KAZN: variants seen among roughly 807,000 people sequenced by gnomAD.
The protein encoded by KAZN is kazrin, periplakin interacting protein.
A neutral mutation model predicts 87.4 loss-of-function variants in KAZN; 40 were observed. That is an observed-to-expected ratio of 0.46 (90% CI 0.36 to 0.60). KAZN has a LOEUF of 0.60. Ranked by LOEUF, KAZN falls within the 20% of genes least tolerant of loss-of-function variation. KAZN has a pLI of 0.00. For missense variants in KAZN, 898 were observed against 1,073.9 expected, an observed-to-expected ratio of 0.84 and a Z score of 2.29; for synonymous variants, 466 against 458.3, an observed-to-expected ratio of 1.02 and a Z score of -0.22.
intron 1 of KAZN, among the ~76,000 whole-genome samples, chr1:14,137,211 T>C (rs1645126505): frequency 6.6e-6 from 1 of 152,156 alleles, no homozygotes; most frequent in Non-Finnish European, 1.5e-5. Context: ...GTGGGATCAT[T>C]CACACCAGAG....
At chr1:14,890,333 A>G (rs1654560178) in intron 1 of KAZN, among the ~76,000 whole-genome samples, 1 of 152,166 alleles carries the variant, frequency 6.6e-6, no homozygotes, top group Admixed American at 6.5e-5. Flanking sequence ...TCCTGATGGG[A>G]AATCTCTCCA....
chr1:14,447,179 T>G (rs901044260), intron 2 of KAZN, among the ~76,000 whole-genome samples: 11 of 150,742 alleles, frequency 7.3e-5, no homozygotes, highest in African/African-American at 2.7e-4. Flanking sequence ...ATTCTTCTAG[T>G]TCTCCCTTGG....
At chr1:14,013,240 C>A (rs1286350185) in intron 1 of KAZN, among the ~76,000 whole-genome samples, 1 of 152,164 alleles carries the variant, frequency 6.6e-6, no homozygotes, top group South Asian at 2.1e-4. Flanking sequence ...TCCAAAGAAA[C>A]CAACTAAAGA....
rs200681100 is a variant in KAZN, at chr1:14,546,453, A to AT, written c.250-52529dup. 6.0e-4 allele frequency among the ~76,000 whole-genome samples: 91 copies of AT among 151,622 alleles called. 1 individual carries two copies. The East Asian group carries it at 0.017, about 28-fold the overall frequency. On this transcript the variant is annotated intron_variant, in intron 2 of 16. Transcript: ENST00000636203. ...GAGGGCCTTTTTTTTTCCATCCTTT[A>AT]TGGGGGTGAGAGGTGCCAGAAGAAG...
chr1:14,440,636 A>C (rs1281446143), intron 2 of KAZN, among the ~76,000 whole-genome samples: 1 of 152,222 alleles, frequency 6.6e-6, no homozygotes, highest in East Asian at 1.9e-4. Context: ...CAGGGGTCCC[A>C]GTGCAAAATC....
chr1:14,413,514 C>T (rs544350739), intron 2 of KAZN, among the ~76,000 whole-genome samples: 8 of 141,972 alleles, frequency 5.6e-5, no homozygotes, highest in Admixed American at 1.5e-4. Context: ...GGCGTGAAAC[C>T]GGAGGCGGAG....
intron 2 of KAZN, among the ~76,000 whole-genome samples, chr1:14,467,031 T>C (rs990485227): frequency 1.1e-4 from 16 of 152,172 alleles, no homozygotes; most frequent in Non-Finnish European, 1.0e-4. Context: ...CAAAGGTAAC[T>C]ACATTAGTAA....
chr1:14,968,707 G>T (rs1664718789), intron 2 of KAZN, among the ~76,000 whole-genome samples: 1 of 152,228 alleles, frequency 6.6e-6, no homozygotes, highest in Admixed American at 6.5e-5. Context: ...CTCCTTACTG[G>T]AAGGACTAAG....
intron 1 of KAZN, among the ~76,000 whole-genome samples, chr1:14,111,771 G>A (rs369353436): frequency 5.8e-5 from 8 of 137,100 alleles, no homozygotes; most frequent in Non-Finnish European, 1.1e-4. Context: ...GTGGAGTCTC[G>A]CTCTGTCGCC....
chr1:14,230,970 T>C (rs1647770163), intron 2 of KAZN, among the ~76,000 whole-genome samples: 1 of 152,156 alleles, frequency 6.6e-6, no homozygotes, highest in Non-Finnish European at 1.5e-5. Flanking sequence ...TTGTCATCCT[T>C]AAAATGGGGT....
intron 1 of KAZN, among the ~76,000 whole-genome samples, chr1:14,102,690 C>G (rs61670736): frequency 6.6e-6 from 1 of 151,956 alleles, no homozygotes; most frequent in Non-Finnish European, 1.5e-5. Context: ...CGTGCATCCC[C>G]GTGTATTAGC....
intron 2 of KAZN, among the ~76,000 whole-genome samples, chr1:14,218,364 T>A (rs1407250648): frequency 6.6e-6 from 1 of 152,142 alleles, no homozygotes; most frequent in Non-Finnish European, 1.5e-5. Context: ...CCAATAGCAA[T>A]GACATCTCTA....
intron 2 of KAZN, among the ~76,000 whole-genome samples, chr1:14,966,469 A>G (rs2101809855): frequency 6.6e-6 from 1 of 152,218 alleles, no homozygotes; most frequent in Non-Finnish European, 1.5e-5. Context: ...TGGCGTACGC[A>G]GTTTTGTATT....
chr1:14,680,898 T>G (rs1456902572), intron 1 of KAZN, among the ~76,000 whole-genome samples: 2 of 152,208 alleles, frequency 1.3e-5, no homozygotes, highest in Non-Finnish European at 2.9e-5. Flanking sequence ...TGGCTCCTGG[T>G]TCTGCAGGCT....
At chr1:14,463,433 T>G (rs1557737545) in intron 2 of KAZN, among the ~76,000 whole-genome samples, 1 of 152,292 alleles carries the variant, frequency 6.6e-6, no homozygotes, top group East Asian at 1.9e-4. Flanking sequence ...CCACATCAAG[T>G]TTCCTCAACC....
At chr1:14,855,829 C>T (rs567788515) in intron 1 of KAZN, among the ~76,000 whole-genome samples, 14 of 152,284 alleles carry the variant, frequency 9.2e-5, no homozygotes, top group East Asian at 3.9e-4. Flanking sequence ...GTCTTGCAAC[C>T]GCGCTAAGCC....
intron 2 of KAZN, among the ~76,000 whole-genome samples, chr1:14,520,424 G>T (rs908676211): frequency 2.6e-5 from 4 of 152,174 alleles, no homozygotes; most frequent in African/African-American, 7.2e-5. Context: ...CACTGAAGCT[G>T]CAGGAGCCTG....
intron 1 of KAZN, among the ~76,000 whole-genome samples, chr1:14,634,939 C>T (rs368117796): frequency 6.6e-6 from 1 of 152,096 alleles, no homozygotes; most frequent in East Asian, 1.9e-4. Context: ...TGTGACTGCA[C>T]AGGGTAGAGC....
At chr1:15,041,258 G>C (rs906256234) in intron 3 of KAZN, among the ~76,000 whole-genome samples, 4 of 150,742 alleles carry the variant, frequency 2.7e-5, no homozygotes, top group African/African-American at 9.8e-5. Flanking sequence ...CACCGCACCC[G>C]GCTCCTAGCC....
Sources: gnomAD v4.1 joint callset for allele counts (sites outside exome capture counted in the v4.1 genomes callset) on GRCh38, gnomAD v4.1.1 for gene constraint, MANE v1.5 for transcripts, NCBI Gene and HGNC (gene_info 2026-07-23, HGNC 2026-07-21) for gene names.